The following COL4A3 variants were observed in gnomAD, a reference collection of about 807,000 sequenced individuals.
The protein encoded by COL4A3 is collagen type IV alpha 3 chain.
A neutral mutation model predicts 217.4 loss-of-function variants in COL4A3; 135 were observed. That is an observed-to-expected ratio of 0.62 (90% CI 0.54 to 0.72). COL4A3 has a LOEUF of 0.72. COL4A3 is among the 30% of genes least tolerant of loss of function. The pLI is 0.00. For missense variants in COL4A3, 1,868 were observed against 2,119.9 expected (o/e 0.88, Z 2.33); for synonymous variants, 690 against 736.3 (o/e 0.94, Z 1.02).
chr2:227,200,999 A>C (rs1270545649), intron 1 of COL4A3, among the ~76,000 whole-genome samples: 1 of 152,176 alleles, frequency 6.6e-6, no homozygotes, highest in Non-Finnish European at 1.5e-5. Flanking sequence ...TCTTAAATTA[A>C]GTTTAGATTA....
At position 227,164,813 on chromosome 2, in the gene COL4A3, G is replaced by C. The variant is rs2065153716; in HGVS notation, c.87G>C (p.Lys29Asn). The C allele has an allele frequency of 1.3e-6, 2 of 1,514,840 alleles. No homozygotes were observed. Among genetic ancestry groups the C allele is most frequent in the Non-Finnish European group, 1.8e-6 (2 of 1,138,644 alleles). The allele number at this position is 1,514,840 out of a possible 1,614,324, so 93.8% of individuals were successfully genotyped here. The stretch of plus-strand genomic sequence containing the variant: ...TGGCGGCGGCGCCCGCAGCCAGCAA[G>C]GTGAGTGGGGGCTGCGCGACCCCCA... ...VLLAAAPAAS[K>N]GCVCKDKGQC... The change falls in exon 1 of 52, where the codon AAG becomes AAC. Residue 29 changes from lysine (K) to asparagine (N), a missense_variant and splice_region_variant. Lys to Asn is a moderately conservative substitution (Grantham distance 94, BLOSUM62 0). This residue lies in a region of COL4A3 where 365 missense variants were observed against 333.8 expected (regional missense o/e 1.09). Transcript: ENST00000396578. This position sits in a 1 kb window ranked among gnomAD's most constrained non-coding sequence, Gnocchi z 4.8.
chr2:227,266,955 G>A, intron 22 of COL4A3, 38 bp from the exon 23 acceptor site: 1 of 1,397,018 alleles, frequency 7.2e-7, no homozygotes, highest in Non-Finnish European at 1.0e-6. Flanking sequence ...AGGACTCAAT[G>A]TAGCTTTTTA....
At chr2:227,200,510 TA>T (rs1297143727) in intron 1 of COL4A3, among the ~76,000 whole-genome samples, 2 of 152,178 alleles carry the variant, frequency 1.3e-5, no homozygotes, top group African/African-American at 4.8e-5. Context: ...AAAGAATGCA[TA>T]TAGATGTAAT....
intron 28 of COL4A3, among the ~76,000 whole-genome samples, chr2:227,278,721 A>G (rs1447266396): frequency 2.6e-5 from 4 of 152,122 alleles, no homozygotes; most frequent in Admixed American, 1.3e-4. Flanking sequence ...CTAGGTATTG[A>G]CTCTCTGGAA....
At chr2:227,230,767 C>T (rs1292441114) in intron 1 of COL4A3, among the ~76,000 whole-genome samples, 1 of 152,158 alleles carries the variant, frequency 6.6e-6, no homozygotes. Flanking sequence ...AAATTAATAT[C>T]ATGAGTCTTG....
intron 1 of COL4A3, among the ~76,000 whole-genome samples, chr2:227,231,337 T>G (rs34010470): frequency 6.6e-6 from 1 of 152,046 alleles, no homozygotes. Context: ...ATGTCTGCTA[T>G]ACCAATCAGT....
intron 47 of COL4A3, among the ~76,000 whole-genome samples, chr2:227,306,967 AAGG>A (rs1237510908): frequency 6.6e-6 from 1 of 152,194 alleles, no homozygotes; most frequent in African/African-American, 2.4e-5. Flanking sequence ...CAATGAAAGA[AAGG>A]AGAAGGAAGT....
intron 43 of COL4A3, among the ~76,000 whole-genome samples, chr2:227,301,633 T>G (rs1460478597): frequency 1.3e-5 from 2 of 152,232 alleles, no homozygotes; most frequent in Non-Finnish European, 2.9e-5. Flanking sequence ...GGAAACATGA[T>G]CTTACTTAAC....
chr2:227,172,272 C>T (rs1348657838), intron 1 of COL4A3, among the ~76,000 whole-genome samples: 1 of 152,218 alleles, frequency 6.6e-6, no homozygotes, highest in Non-Finnish European at 1.5e-5. Flanking sequence ...TCAATAACCG[C>T]CTGACCATCA....
intron 1 of COL4A3, among the ~76,000 whole-genome samples, chr2:227,187,857 C>G (rs2066086598): frequency 6.6e-6 from 1 of 152,134 alleles, no homozygotes; most frequent in Admixed American, 6.5e-5. Context: ...TTCCCACTAC[C>G]AAGCATCTAA....
chr2:227,302,844 G>A lies in COL4A3; in HGVS notation c.3883-194G>A, dbSNP rs10451555. The stretch of plus-strand genomic sequence containing the variant: ...GAAGCTTTTGTTTTACTTTTAAAAC[G>A]ATAGTCCTAAGGAAAGGTTCTAAGT... On this transcript the variant is annotated intron_variant, in intron 43 of 51. Coordinates refer to ENST00000396578, the MANE Select transcript of COL4A3 (RefSeq NM_000091.5). 0.14 allele frequency among the ~76,000 whole-genome samples: 21,156 copies of A among 151,958 alleles called. 1,463 individuals carry two copies. Among genetic ancestry groups the A allele is most frequent in the Non-Finnish European group, 0.15 (10,338 of 67,982 alleles).
At chr2:227,280,344 C>A in intron 29 of COL4A3, 96 bp from the exon 30 acceptor site, 1 of 1,356,844 alleles carries the variant, frequency 7.4e-7, no homozygotes, top group Non-Finnish European at 1.1e-6. Flanking sequence ...ATGGTAGTGG[C>A]TGTGCAACAG....
Position 227,280,546 on chromosome 2 carries a change from G to T in COL4A3, c.2330G>T (p.Gly777Val), listed in dbSNP as rs2106151987. ...GAAATTGGACTCCCTGGACTTCCAG[G>T]TCTCCCTGGAACTCCAGGAAATGAA... ...HGEIGLPGLP[G>V]LPGTPGNEGL... is the part of the protein sequence containing the mutation. Residue 777 changes from glycine to valine, a missense_variant, in exon 30 of 52, where the codon GGT becomes GTT. Around this residue, in one of 2 missense-constraint regions of COL4A3, gnomAD observed 1,503 missense variants for 1,786.1 expected, o/e 0.84. Transcript: ENST00000396578. 1 of 1,614,116 alleles carries T rather than the reference G, an allele frequency of 6.2e-7. No homozygotes were observed. Among genetic ancestry groups the T allele is most frequent in the Non-Finnish European group, 8.5e-7 (1 of 1,180,000 alleles).
chr2:227,276,555 CCA>C, intron 27 of COL4A3, 78 bp downstream of exon 27: 1 of 1,092,810 alleles, frequency 9.2e-7, no homozygotes, highest in Non-Finnish European at 1.4e-6. Context: ...AATACTGTCC[CCA>C]TTATAAGGAA....
intron 2 of COL4A3, chr2:227,238,324 T>G (rs1361124792): frequency 4.1e-6 from 1 of 242,736 alleles, no homozygotes; most frequent in South Asian, 5.4e-5. Flanking sequence ...TCCATATGTA[T>G]ACACTATTTA....
intron 37 of COL4A3, 132 bp downstream of exon 37, chr2:227,291,018 T>C: frequency 1.8e-6 from 2 of 1,114,142 alleles, no homozygotes. Context: ...GTTATTTGGA[T>C]TTTTAAAATC....
At position 227,245,016 on chromosome 2, in the gene COL4A3, G is replaced by A. The variant is rs370653538; in HGVS notation, c.324+21G>A. 2.0e-5 allele frequency: 32 copies of A among 1,608,274 alleles called. No individual in the cohort carries two copies. In the East Asian group the frequency reaches 2.2e-4, roughly 11 times the overall value. ...TTCCAGTAAGTAATGGGAAAAATCC[G>A]TAGCTAGAAAATTTAAAAGTAAGCT... On this transcript the variant is annotated intron_variant, in intron 5 of 51. Coordinates refer to ENST00000396578, the MANE Select transcript of COL4A3 (RefSeq NM_000091.5).
chr2:227,207,794 C>A (rs1459064710), intron 1 of COL4A3, among the ~76,000 whole-genome samples: 1 of 152,174 alleles, frequency 6.6e-6, no homozygotes, highest in Non-Finnish European at 1.5e-5. Flanking sequence ...TCAAAGCAGT[C>A]CCCTGGTGGG....
intron 25 of COL4A3, among the ~76,000 whole-genome samples, chr2:227,271,414 T>G (rs1559885864): frequency 6.6e-6 from 1 of 152,012 alleles, no homozygotes; most frequent in Non-Finnish European, 1.5e-5. Context: ...TAATCCCTTT[T>G]CATGAGAGAG....
Sources: gnomAD v4.1 joint callset for allele counts (sites outside exome capture counted in the v4.1 genomes callset) on GRCh38, gnomAD v4.1.1 for gene constraint, gnomAD v4.1.1 regional missense constraint, Gnocchi (gnomAD v3.1) non-coding constraint, MANE v1.5 for transcripts, NCBI Gene and HGNC (gene_info 2026-07-23, HGNC 2026-07-21) for gene names.